Variants in LETM1 observed in about 807,000 individuals in gnomAD.
LETM1 encodes mitochondrial proton/calcium exchanger protein.
A neutral mutation model predicts 74.5 loss-of-function variants in LETM1; 50 were observed. The observed-to-expected ratio is 0.67, with a 90% CI of 0.53 to 0.85. The LOEUF is 0.85. LETM1 is among the 40% of genes least tolerant of loss of function. The probability of loss-of-function intolerance (pLI) is 0.00; values close to 1 mark genes in which losing one functional copy is unlikely to be tolerated. For synonymous variants in LETM1, 446 were observed against 407.1 expected (o/e 1.10, Z -1.15); for missense variants, 824 against 967.8 (o/e 0.85, Z 1.97).
chr4:1,855,818 C>T (rs1157820797), intron 1 of LETM1, 51 bp downstream of exon 1: 4 of 1,114,040 alleles, frequency 3.6e-6, no homozygotes, highest in Non-Finnish European at 4.5e-6. Context: ...CGTCCGCGCT[C>T]CCGACCCACC....
At position 1,832,886 on chromosome 4, in the gene LETM1, T is replaced by C. The variant is rs1280723340; in HGVS notation, c.938A>G (p.Glu313Gly). ...EEIMRFSKLFEDELTLDNLTR... is the reference protein window; with the variant it reads ...EEIMRFSKLFGDELTLDNLTR... ...CAGGTTGTCCAGGGTCAGCTCATCCTCAAATAATTTGGAAAAACGCATGAT... is the reference window on the plus strand; with the variant it reads ...CAGGTTGTCCAGGGTCAGCTCATCCCCAAATAATTTGGAAAAACGCATGAT... The change falls in exon 6 of 14, where the codon GAG becomes GGG. Residue 313 changes from glutamate to glycine, a missense_variant. This residue lies in a region of LETM1 where 269 missense variants were observed against 348.8 expected (regional missense o/e 0.77). Transcript: ENST00000302787. 6.2e-7 allele frequency: 1 copy of C among 1,613,518 alleles called. No individual in the cohort carries two copies. The highest frequency in any genetic ancestry group is 1.1e-5 in the South Asian group (1 of 91,050).
At position 1,841,670 on chromosome 4, in the gene LETM1, T is replaced by C; in HGVS notation, c.271A>G (p.Thr91Ala). 2 of 1,613,810 alleles carry C rather than the reference T, an allele frequency of 1.2e-6. No homozygotes were observed. The highest frequency in any genetic ancestry group is 1.1e-5 in the South Asian group (1 of 91,058). The change falls in exon 3 of 14, where the codon ACC (threonine) becomes GCC (alanine). Residue 91 changes from threonine (T) to alanine (A), a missense_variant. Around this residue, in one of 4 missense-constraint regions of LETM1, gnomAD observed 222 missense variants for 195.6 expected, o/e 1.14. Transcript: ENST00000302787. ...CCCACAGCCACAAAACCCACAGAGGTAGAGGTCCATGGCGCTCTCGACACT... is the reference window on the plus strand; with the variant it reads ...CCCACAGCCACAAAACCCACAGAGGCAGAGGTCCATGGCGCTCTCGACACT... ...RIVSRAPWTS[T>A]SVGFVAVGPQ... is the part of the protein sequence containing the mutation.
At chr4:1,835,446 A>C (rs574052986) in intron 4 of LETM1, among the ~76,000 whole-genome samples, 106 of 151,672 alleles carry the variant, frequency 7.0e-4, no homozygotes, top group South Asian at 6.4e-3. Context: ...GTCTCAAAAA[A>C]AAAACAAAAA....
intron 2 of LETM1, among the ~76,000 whole-genome samples, chr4:1,846,107 T>C (rs1712875620): frequency 6.6e-6 from 1 of 151,882 alleles, no homozygotes; most frequent in African/African-American, 2.4e-5. Flanking sequence ...TCTGCCCACC[T>C]CAACTTTCCA....
chr4:1,843,030 A>C (rs549633912), intron 2 of LETM1: 6 of 376,910 alleles, frequency 1.6e-5, no homozygotes, highest in South Asian at 9.8e-5. Context: ...GTGTCGCATA[A>C]CTTCACATCA....
At chr4:1,828,320 AG>A (rs1712091638) in intron 6 of LETM1, among the ~76,000 whole-genome samples, 1 of 50,588 alleles carries the variant, frequency 2.0e-5, no homozygotes, top group African/African-American at 8.3e-5. Context: ...CTGGCCGGGC[AG>A]GGGGGCTGAC....
At chr4:1,819,605 C>G in intron 10 of LETM1, 133 bp from the exon 11 acceptor site, 4 of 1,032,792 alleles carry the variant, frequency 3.9e-6, no homozygotes, top group Non-Finnish European at 5.5e-6. Flanking sequence ...TCATTGGTAA[C>G]AAGAGACCCG....
rs577892044 is a variant in LETM1, at chr4:1,814,455, G to A, written c.2189C>T (p.Ala730Val). ...VEEKEKAKEK[A>V]EKEVAEVKS The stretch of plus-strand genomic sequence containing the variant: ...CTTCACCTCTGCGACCTCCTTCTCT[G>A]CCTTCTCTTTGGCCTTCTCCTTCTC... Residue 730 changes from alanine (A) to valine (V), a missense_variant, in exon 14 of 14, where the codon GCA becomes GTA. Ala to Val is a moderately conservative substitution (Grantham distance 64, BLOSUM62 0). This residue lies in a region of LETM1 where 161 missense variants were observed against 252.7 expected (regional missense o/e 0.64). Coordinates refer to ENST00000302787, the MANE Select transcript of LETM1 (RefSeq NM_012318.3). 3 of 1,614,172 alleles carry A rather than the reference G, an allele frequency of 1.9e-6. No individual in the cohort carries two copies. Among genetic ancestry groups the A allele is most frequent in the African/African-American group, 1.3e-5 (1 of 75,056 alleles).
Position 1,823,639 on chromosome 4 carries a change from C to G in LETM1, c.1332+5G>C, listed in dbSNP as rs368791925. The G allele has an allele frequency of 5.6e-6, 9 of 1,613,436 alleles. No individual in the cohort carries two copies. In the South Asian group the frequency reaches 8.8e-5, roughly 16 times the overall value. Reference sequence around the variant, plus strand: ...GAGGTAAAAGGGGTCTCCGACAGCACGTACCACAATCTCTGGGAGGGTCTG... The same window carrying G: ...GAGGTAAAAGGGGTCTCCGACAGCAGGTACCACAATCTCTGGGAGGGTCTG... On this transcript the variant is annotated splice_donor_5th_base_variant and intron_variant, in intron 8 of 13. Coordinates refer to ENST00000302787, the MANE Select transcript of LETM1 (RefSeq NM_012318.3).
intron 2 of LETM1, among the ~76,000 whole-genome samples, chr4:1,847,078 C>T (rs968208847): frequency 6.6e-6 from 1 of 152,162 alleles, no homozygotes; most frequent in Non-Finnish European, 1.5e-5. Context: ...CACCTGTAAT[C>T]CCAGCACTTT....
chr4:1,815,855 G>A, intron 12 of LETM1, 53 bp from the exon 13 acceptor site: 1 of 1,600,870 alleles, frequency 6.2e-7, no homozygotes, highest in South Asian at 1.1e-5. Flanking sequence ...GCCACACAGG[G>A]CCTCACTGCC....
chr4:1,838,774 G>A (rs1330058163), intron 3 of LETM1, among the ~76,000 whole-genome samples: 4 of 152,154 alleles, frequency 2.6e-5, no homozygotes, highest in Admixed American at 2.6e-4. Flanking sequence ...GGAAAGGATG[G>A]AGCAGACAGG....
At chr4:1,844,890 A>G (rs1335083609) in intron 2 of LETM1, among the ~76,000 whole-genome samples, 10 of 149,566 alleles carry the variant, frequency 6.7e-5, no homozygotes, top group Admixed American at 6.6e-4. Context: ...TCTACAGAAA[A>G]AAAAAAAAAA....
At chr4:1,849,480 CT>C (rs1712996694) in intron 1 of LETM1, among the ~76,000 whole-genome samples, 1 of 152,074 alleles carries the variant, frequency 6.6e-6, no homozygotes, top group Admixed American at 6.6e-5. Flanking sequence ...GTTGGCCAGG[CT>C]GGTCTCAAAC....
intron 5 of LETM1, chr4:1,833,232 A>G (rs1280030006): frequency 4.6e-5 from 19 of 409,448 alleles, no homozygotes; most frequent in Non-Finnish European, 5.9e-5. Context: ...CACCACACCC[A>G]GCTAATTTTT....
chr4:1,816,944 T>C, intron 11 of LETM1, 30 bp from the exon 12 acceptor site: 1 of 1,595,702 alleles, frequency 6.3e-7, no homozygotes, highest in Non-Finnish European at 8.6e-7. Context: ...TGTAAAAAGT[T>C]TGTCTTAAAA....
chr4:1,844,385 A>G (rs1279243462), intron 2 of LETM1, among the ~76,000 whole-genome samples: 1 of 152,164 alleles, frequency 6.6e-6, no homozygotes, highest in Admixed American at 6.6e-5. Flanking sequence ...CTTTGTTTCT[A>G]TGAGAAAGAA....
rs1040853115 is a variant in LETM1 at position 1,836,958 on chromosome 4, T to C, written c.595-386A>G. Among the ~76,000 whole-genome samples, 1 of 152,178 alleles carries C rather than the reference T, an allele frequency of 6.6e-6. No homozygotes were observed. Among genetic ancestry groups the C allele is most frequent in the African/African-American group, 2.4e-5 (1 of 41,448 alleles). ...TCACCAGGATAGGCTGAGCCACACC[T>C]TCTCTTGGAGGGTGCTCTATAAGGA... On this transcript the variant is annotated intron_variant, in intron 3 of 13. Coordinates refer to ENST00000302787, the MANE Select transcript of LETM1 (RefSeq NM_012318.3). The surrounding 1 kb of genome is among the most constrained non-coding windows in gnomAD (Gnocchi z 5.8).
Position 1,850,598 on chromosome 4 carries a change from G to A in LETM1, c.83-1389C>T, listed in dbSNP as rs564623383. On this transcript the variant is annotated intron_variant, in intron 1 of 13. Transcript: ENST00000302787. ...GCGGAGCTTGCAGTGAGCTGAGATCGCACCACTGAACTGCAGCCTGGGCGA... is the reference window on the plus strand; with the variant it reads ...GCGGAGCTTGCAGTGAGCTGAGATCACACCACTGAACTGCAGCCTGGGCGA... Among the ~76,000 whole-genome samples, 8 of 144,596 alleles carry A rather than the reference G, an allele frequency of 5.5e-5. No homozygotes were observed. The South Asian group carries it at 1.3e-3, about 24-fold the overall frequency. 94.9% of individuals were successfully genotyped at this position (144,596 alleles called of 152,430 possible). A position where few individuals can be genotyped will look rare whatever the true frequency, so the allele number is the denominator to read the frequency against.
Sources: gnomAD v4.1 joint callset for allele counts (sites outside exome capture counted in the v4.1 genomes callset) on GRCh38, gnomAD v4.1.1 for gene constraint, gnomAD v4.1.1 regional missense constraint, Gnocchi (gnomAD v3.1) non-coding constraint, MANE v1.5 for transcripts, NCBI Gene and HGNC (gene_info 2026-07-23, HGNC 2026-07-21) for gene names.